EPCIP: variants seen among roughly 807,000 people sequenced by gnomAD.
EPCIP encodes the protein exosomal polycystin 1 interacting protein, also known as exosomal polycystin-1-interacting protein.
chr21:32,808,971 G>A, the EPCIP span, among the ~76,000 whole-genome samples: 1 of 152,158 alleles, frequency 6.6e-6, no homozygotes, highest in East Asian at 1.9e-4. Context: ...GGGCTAAACC[G>A]AGTGCCCATG....
chr21:32,793,676 C>G, the EPCIP span: 1 of 1,228,014 alleles, frequency 8.1e-7, no homozygotes, highest in African/African-American at 1.5e-5. Flanking sequence ...GGTAGGGATA[C>G]CTATCTCACG....
chr21:32,795,407 T>C, the EPCIP span, among the ~76,000 whole-genome samples: 1 of 152,130 alleles, frequency 6.6e-6, no homozygotes, highest in Non-Finnish European at 1.5e-5. Flanking sequence ...TCCTTTGTGG[T>C]GTGATTGGAA....
At chr21:32,811,139 C>G in the EPCIP span, among the ~76,000 whole-genome samples, 2 of 146,622 alleles carry the variant, frequency 1.4e-5, no homozygotes, top group African/African-American at 5.0e-5. Flanking sequence ...CCCCCCTCCC[C>G]TTTTTTTTTT....
chr21:32,801,890 C>T, the EPCIP span, among the ~76,000 whole-genome samples: 109,401 of 151,944 alleles, frequency 0.72, 40,155 homozygotes, highest in East Asian at 0.91. Flanking sequence ...AAGGGAGAAA[C>T]GGAAAGACTC....
chr21:32,800,841 GCACAGTTTTTAGCATCTTGA>G, the EPCIP span, among the ~76,000 whole-genome samples: 1 of 151,820 alleles, frequency 6.6e-6, no homozygotes, highest in Admixed American at 6.6e-5. Context: ...AAAAAAACAT[GCACAGTTTTTAGCATCTTGA>G]CTGAAAAATT....
At chr21:32,792,147 G>A in the EPCIP span, among the ~76,000 whole-genome samples, 4 of 152,048 alleles carry the variant, frequency 2.6e-5, no homozygotes, top group East Asian at 1.9e-4. Flanking sequence ...CAGGTGATCC[G>A]CCTGCCTCGG....
At chr21:32,793,638 G>A in the EPCIP span, 6 of 838,206 alleles carry the variant, frequency 7.2e-6, no homozygotes, top group South Asian at 8.7e-5. Context: ...TGTTGCAAAT[G>A]GAGCCTGCGG....
At chr21:32,790,714 G>A in the EPCIP span, 1 of 152,222 alleles carries the variant, frequency 6.6e-6, no homozygotes, top group Admixed American at 6.5e-5. Flanking sequence ...AGGAATAAAA[G>A]CATGGCTACT....
chr21:32,800,501 C>T, the EPCIP span, among the ~76,000 whole-genome samples: 3 of 152,192 alleles, frequency 2.0e-5, no homozygotes, highest in African/African-American at 7.2e-5. Flanking sequence ...AATAATCATG[C>T]ACAAAGGCTC....
the EPCIP span, among the ~76,000 whole-genome samples, chr21:32,811,130 C>T: frequency 5.3e-5 from 8 of 151,276 alleles, no homozygotes; most frequent in East Asian, 1.4e-3. Context: ...TATTATGGCC[C>T]CCCCTCCCCT....
At chr21:32,793,812 T>C in the EPCIP span, 20 of 1,614,096 alleles carry the variant, frequency 1.2e-5, no homozygotes, top group Non-Finnish European at 1.6e-5. Context: ...ATTGGGAAGG[T>C]TCTAAAGTAA....
chr21:32,792,916 T>TTA, the EPCIP span, among the ~76,000 whole-genome samples: 1,075 of 55,714 alleles, frequency 0.019, 13 homozygotes, highest in Admixed American at 0.084. Flanking sequence ...ATTATTATTA[T>TTA]TTTTTTTTTT....
the EPCIP span, chr21:32,797,371 C>T: frequency 1.4e-3 from 285 of 198,286 alleles, 1 homozygote; most frequent in African/African-American, 6.3e-3. Context: ...GTCTCAGCCT[C>T]CTGAGTAGCT....
the EPCIP span, among the ~76,000 whole-genome samples, chr21:32,812,687 A>C: frequency 6.6e-6 from 1 of 152,140 alleles, no homozygotes; most frequent in Non-Finnish European, 1.5e-5. Flanking sequence ...CAAACAAATG[A>C]AGTCTTTTTT....
At chr21:32,794,887 A>T in the EPCIP span, among the ~76,000 whole-genome samples, 2 of 151,672 alleles carry the variant, frequency 1.3e-5, no homozygotes, top group African/African-American at 2.4e-5. Flanking sequence ...GCGCCCAAAA[A>T]CCCCTGAACA....
the EPCIP span, among the ~76,000 whole-genome samples, chr21:32,804,054 A>C: frequency 6.6e-6 from 1 of 152,200 alleles, no homozygotes; most frequent in East Asian, 1.9e-4. Context: ...AAGTAAATTC[A>C]TGTCTCCATA....
At chr21:32,812,959 T>G in the EPCIP span, among the ~76,000 whole-genome samples, 1,449 of 152,308 alleles carry the variant, frequency 9.5e-3, 21 homozygotes, top group African/African-American at 0.033. Flanking sequence ...AAACACGAAC[T>G]ATCCAATCCA....
At chr21:32,808,558 G>T in the EPCIP span, among the ~76,000 whole-genome samples, 2 of 152,104 alleles carry the variant, frequency 1.3e-5, no homozygotes, top group African/African-American at 2.4e-5. Flanking sequence ...TGGAACCAAT[G>T]AACATTTAAA....
chr21:32,807,096 C>G, the EPCIP span, among the ~76,000 whole-genome samples: 10 of 152,280 alleles, frequency 6.6e-5, no homozygotes, highest in South Asian at 2.1e-4. Flanking sequence ...CTGGGTCCCT[C>G]CCACAACATG....
Sources: gnomAD v4.1 joint callset for allele counts (sites outside exome capture counted in the v4.1 genomes callset) on GRCh38, gnomAD v4.1.1 for gene constraint, MANE v1.5 for transcripts, NCBI Gene and HGNC (gene_info 2026-07-23, HGNC 2026-07-21) for gene names.